The following AKR1A1 variants were observed in gnomAD, a reference collection of about 807,000 sequenced individuals.
AKR1A1 encodes the protein aldo-keto reductase family 1 member A1, also known as HEL-S-165mP.
In AKR1A1, 26 loss-of-function variants were observed where a neutral mutation model predicts 39.2. The ratio of observed to expected loss-of-function variants is 0.66; its 90% confidence interval spans 0.49 to 0.92. The LOEUF (loss-of-function observed/expected upper bound fraction) is 0.92. AKR1A1 is among the 40% of genes least tolerant of loss of function. The pLI is 0.00. For missense variants in AKR1A1, 378 were observed against 406.5 expected (o/e 0.93, Z 0.60); for synonymous variants, 141 against 155.5 (o/e 0.91, Z 0.69).
chr1:45,568,776 G>T, intron 6 of AKR1A1, 92 bp downstream of exon 6: 1 of 1,563,028 alleles, frequency 6.4e-7, no homozygotes, highest in Admixed American at 1.7e-5. Flanking sequence ...TGAGGATCTT[G>T]CCTTGTGATC....
rs117091334 is a variant in AKR1A1, at chr1:45,567,434, T to C, written c.356+414T>C. 7.7e-4 allele frequency: 133 copies of C among 172,740 alleles called. No homozygotes were observed. The East Asian group carries it at 0.02, about 26-fold the overall frequency. 10.7% of individuals were successfully genotyped at this position (172,740 alleles called of 1,614,324 possible). A position where few individuals can be genotyped will look rare whatever the true frequency, so the allele number is the denominator to read the frequency against. ...CCCTGAGGATGAGTTAAGGAAGACT[T>C]CCTAGGGGAGAGGAGATATCTACGT... On this transcript the variant is annotated intron_variant, in intron 4 of 8. Coordinates refer to ENST00000351829, the MANE Select transcript of AKR1A1 (RefSeq NM_153326.3).
Position 45,568,992 on chromosome 1 carries a change from A to C in AKR1A1, c.818A>C (p.Asn273Thr). 6.2e-7 allele frequency: 1 copy of C among 1,614,132 alleles called. No individual in the cohort carries two copies. The highest frequency in any genetic ancestry group is 2.2e-5 in the East Asian group (1 of 44,892). The change falls in exon 7 of 9, where the codon AAC (asparagine) becomes ACC (threonine). Residue 273 changes from asparagine to threonine, a missense_variant. Asn to Thr is a moderately conservative substitution (Grantham distance 65). Coordinates refer to ENST00000351829, the MANE Select transcript of AKR1A1 (RefSeq NM_153326.3). ...ATCACTCCTTCTCGAATCCTTCAGA[A>C]CATCAAGGTACTTGGTAATGGGTTC... ...KSITPSRILQNIKVFDFTFSP... is the reference protein window; with the variant it reads ...KSITPSRILQTIKVFDFTFSP...
intron 4 of AKR1A1, chr1:45,567,302 T>C (rs2088102): frequency 0.49 from 181,381 of 368,810 alleles, 45,378 homozygotes; most frequent in East Asian, 0.65. Context: ...GGTGCTGACT[T>C]TTCTGTTGAG....
intron 8 of AKR1A1, 66 bp from the exon 9 acceptor site, chr1:45,569,825 A>C (rs1192457304): frequency 7.1e-7 from 1 of 1,417,460 alleles, no homozygotes; most frequent in Non-Finnish European, 1.0e-6. Context: ...GATTTGGGGA[A>C]GATGCCTGGA....
At chr1:45,564,256 G>A (rs990493713) in intron 2 of AKR1A1, among the ~76,000 whole-genome samples, 10 of 152,164 alleles carry the variant, frequency 6.6e-5, no homozygotes, top group Non-Finnish European at 1.2e-4. Flanking sequence ...TCAAGGCAGA[G>A]GGTTGGGGGC....
chr1:45,569,578 T>C (rs1644388846), intron 8 of AKR1A1, among the ~76,000 whole-genome samples: 1 of 152,190 alleles, frequency 6.6e-6, no homozygotes, highest in South Asian at 2.1e-4. Context: ...GAAGGCGTTG[T>C]TGACCTCACT....
At chr1:45,567,128 A>T in intron 4 of AKR1A1, 108 bp downstream of exon 4, 1 of 1,443,032 alleles carries the variant, frequency 6.9e-7, no homozygotes, top group Non-Finnish European at 9.3e-7. Flanking sequence ...ACTCATTTGC[A>T]TGCCAAGCTG....
chr1:45,559,617 C>G (rs1247414503), intron 1 of AKR1A1, among the ~76,000 whole-genome samples: 1 of 135,904 alleles, frequency 7.4e-6, no homozygotes, highest in Non-Finnish European at 1.6e-5. Context: ...TTTGCCACTT[C>G]TTTTCTCTTT....
intron 2 of AKR1A1, among the ~76,000 whole-genome samples, chr1:45,563,738 G>C (rs1237050884): frequency 6.6e-6 from 1 of 151,894 alleles, no homozygotes; most frequent in African/African-American, 2.4e-5. Flanking sequence ...GCAGTGAGCC[G>C]AGATCGTGCC....
chr1:45,569,238 G>C lies in AKR1A1; in HGVS notation c.912+9G>C, dbSNP rs1033152960. 7 of 1,610,200 alleles carry C rather than the reference G, an allele frequency of 4.3e-6. No homozygotes were observed. The highest frequency in any genetic ancestry group is 5.9e-6 in the Non-Finnish European group (7 of 1,176,502). Reference sequence around the variant, plus strand: ...TTGTGCCTATGCTTACGGTGAGGATGTATCAGCCTCCTAGACTTGGGGAAT... The same window carrying C: ...TTGTGCCTATGCTTACGGTGAGGATCTATCAGCCTCCTAGACTTGGGGAAT... On this transcript the variant is annotated intron_variant, in intron 8 of 8. Transcript: ENST00000351829.
Position 45,568,177 on chromosome 1 carries a change from G to A in AKR1A1, c.552G>A (p.Gln184=). The change falls in exon 5 of 9, where the codon CAG becomes CAA. Residue 184 remains glutamine (Q), a splice_region_variant and synonymous_variant. Coordinates refer to ENST00000351829, the MANE Select transcript of AKR1A1 (RefSeq NM_153326.3). ...SVASVRPAVL[Q]VECHPYLAQN... Reference sequence around the variant, plus strand: ...CCTCCGTGCGTCCAGCTGTCTTGCAGGTAAGGACAGCAAGCAGATGAGTGG... The same window carrying A: ...CCTCCGTGCGTCCAGCTGTCTTGCAAGTAAGGACAGCAAGCAGATGAGTGG... 6.2e-7 allele frequency: 1 copy of A among 1,610,670 alleles called. No individual in the cohort carries two copies. The highest frequency in any genetic ancestry group is 8.5e-7 in the Non-Finnish European group (1 of 1,178,380).
rs1644378964 is a variant in AKR1A1 at position 45,568,785 on chromosome 1, T to G, written c.752+101T>G. On this transcript the variant is annotated intron_variant, in intron 6 of 8. Transcript: ENST00000351829. ...TGAGGCTGAGGATCTTGCCTTGTGA[T>G]CTGGAGGGAGGCCACTGTAGGCATA... The G allele has an allele frequency of 2.6e-6, 4 of 1,547,330 alleles. No homozygotes were observed. In the Admixed American group the frequency reaches 6.9e-5, roughly 27 times the overall value.
At chr1:45,565,251 C>T (rs1019434037) in intron 2 of AKR1A1, among the ~76,000 whole-genome samples, 2 of 150,834 alleles carry the variant, frequency 1.3e-5, no homozygotes, top group Non-Finnish European at 2.9e-5. Context: ...CTGCCTCAGC[C>T]TCCCAAGTAC....
rs570992339 is a variant in AKR1A1, at chr1:45,567,655, G to A, written c.357-327G>A. 4.8e-3 allele frequency: 846 copies of A among 177,402 alleles called. 11 individuals are homozygous for A. Among genetic ancestry groups the A allele is most frequent in the Non-Finnish European group, 3.2e-3 (270 of 83,516 alleles). The allele number at this position is 177,402 out of a possible 1,614,324, so 11.0% of individuals were successfully genotyped here. On this transcript the variant is annotated intron_variant, in intron 4 of 8. Coordinates refer to ENST00000351829, the MANE Select transcript of AKR1A1 (RefSeq NM_153326.3). Reference sequence around the variant, plus strand: ...ATCCTGGCTAACACGGTGAAACCCCGTCTCTACTAAAAATACAAAAAATTA... The same window carrying A: ...ATCCTGGCTAACACGGTGAAACCCCATCTCTACTAAAAATACAAAAAATTA...
At position 45,553,336 on chromosome 1, in the gene AKR1A1, C is replaced by T. The variant is rs527681248; in HGVS notation, c.-7+2181C>T. On this transcript the variant is annotated intron_variant, in intron 1 of 8. Transcript: ENST00000351829. ...ACTGGGGAGGCTGAGGCAGGAGAAT[C>T]GGTTGAACCTGGAAGGCGAAGGTTG... 9.9e-5 allele frequency among the ~76,000 whole-genome samples: 15 copies of T among 151,408 alleles called. No homozygotes were observed. In the East Asian group the frequency reaches 1.6e-3, roughly 16 times the overall value.
Position 45,568,317 on chromosome 1 carries a change from T to C in AKR1A1, c.552+140T>C, listed in dbSNP as rs1426528331. On this transcript the variant is annotated intron_variant, in intron 5 of 8. Transcript: ENST00000351829. ...GAAGTCCTCTGCATAAAGGTGGGCATTGAAGCAGTGGGAGAGAATGAAATT... is the reference window on the plus strand; with the variant it reads ...GAAGTCCTCTGCATAAAGGTGGGCACTGAAGCAGTGGGAGAGAATGAAATT... The C allele has an allele frequency of 6.8e-5, 85 of 1,257,820 alleles. 1 individual carries two copies. The highest frequency in any genetic ancestry group is 9.1e-5 in the Non-Finnish European group (82 of 903,480). The allele number at this position is 1,257,820 out of a possible 1,614,324, so 77.9% of individuals were successfully genotyped here. A position where few individuals can be genotyped will look rare whatever the true frequency, so the allele number is the denominator to read the frequency against.
chr1:45,563,214 ACG>A (rs1398242135), intron 2 of AKR1A1, among the ~76,000 whole-genome samples: 1 of 151,854 alleles, frequency 6.6e-6, no homozygotes, highest in African/African-American at 2.4e-5. Context: ...AGCTTGGCCA[ACG>A]TGGTGAAACC....
chr1:45,567,850 A>G, intron 4 of AKR1A1, 132 bp from the exon 5 acceptor site: 1 of 816,930 alleles, frequency 1.2e-6, no homozygotes, highest in Non-Finnish European at 1.8e-6. Flanking sequence ...AAGAAAAAGC[A>G]TGGCTTTTTA....
intron 1 of AKR1A1, among the ~76,000 whole-genome samples, chr1:45,557,473 C>T (rs1311753418): frequency 6.6e-6 from 1 of 152,166 alleles, no homozygotes; most frequent in Non-Finnish European, 1.5e-5. Context: ...TCAGCCTTTT[C>T]GGTGTTCAGT....
Sources: gnomAD v4.1 joint callset for allele counts (sites outside exome capture counted in the v4.1 genomes callset) on GRCh38, gnomAD v4.1.1 for gene constraint, MANE v1.5 for transcripts, NCBI Gene and HGNC (gene_info 2026-07-23, HGNC 2026-07-21) for gene names.